The following C12orf50 variants were observed in gnomAD, a reference collection of about 807,000 sequenced individuals.
C12orf50 encodes uncharacterized protein C12orf50.
C12orf50 carries 35 observed loss-of-function variants against 61.6 expected under a neutral mutation model. The observed-to-expected ratio is 0.57, with a 90% CI of 0.43 to 0.75. The LOEUF (loss-of-function observed/expected upper bound fraction) is 0.75. Ranked by LOEUF, C12orf50 falls within the 30% of genes least tolerant of loss-of-function variation. The pLI, the probability that C12orf50 is intolerant of heterozygous loss-of-function variation, is 0.00. For missense variants in C12orf50, 475 were observed against 488.5 expected, an observed-to-expected ratio of 0.97 and a Z score of 0.26; for synonymous variants, 178 against 161.5, an observed-to-expected ratio of 1.10 and a Z score of -0.77.
intron 12 of C12orf50, among the ~76,000 whole-genome samples, chr12:87,982,824 C>T (rs772126611): frequency 2.0e-5 from 3 of 149,276 alleles, no homozygotes; most frequent in Admixed American, 6.7e-5. Flanking sequence ...TGCATCTTAA[C>T]GTATTACATG....
At chr12:88,029,831 T>C (rs1005096101), upstream of C12orf50, among the ~76,000 whole-genome samples, 1 of 152,198 alleles carries the variant, frequency 6.6e-6, no homozygotes, top group East Asian at 1.9e-4. Flanking sequence ...TTGTGATATA[T>C]TAATAGGTAC....
intron 3 of C12orf50, 81 bp from the exon 4 acceptor site, chr12:87,998,271 T>C: frequency 9.7e-7 from 1 of 1,026,636 alleles, no homozygotes; most frequent in Non-Finnish European, 1.4e-6. Flanking sequence ...ATTGCCCTCC[T>C]AATTAACTAT....
intron 3 of C12orf50, among the ~76,000 whole-genome samples, chr12:88,014,908 A>C (rs965340244): frequency 6.6e-6 from 1 of 152,260 alleles, no homozygotes; most frequent in African/African-American, 2.4e-5. Flanking sequence ...CTGCAAGTTT[A>C]TAAGTCCTAA....
chr12:88,026,104 C>T (rs568276489), intron 3 of C12orf50, among the ~76,000 whole-genome samples: 2 of 152,170 alleles, frequency 1.3e-5, no homozygotes, highest in Admixed American at 6.5e-5. Flanking sequence ...TCTCCACCTA[C>T]GAGATAGCTT....
At chr12:88,005,603 CA>C (rs2031828562) in intron 3 of C12orf50, among the ~76,000 whole-genome samples, 1 of 152,158 alleles carries the variant, frequency 6.6e-6, no homozygotes, top group Non-Finnish European at 1.5e-5. Flanking sequence ...GTTCCAATCC[CA>C]AAAGAACTCT....
chr12:88,027,785 C>T (rs1219020342), intron 1 of C12orf50: 1 of 152,038 alleles, frequency 6.6e-6, no homozygotes, highest in African/African-American at 2.4e-5. Flanking sequence ...ACTACAAGCC[C>T]CTGTTGTGTG....
Position 87,980,206 on chromosome 12 carries a change from C to A in C12orf50, c.*125G>T. On this transcript the variant is annotated 3_prime_UTR_variant, in exon 13 of 13. Coordinates refer to ENST00000298699, the MANE Select transcript of C12orf50 (RefSeq NM_152589.3). Reference sequence around the variant, plus strand: ...TTTTCAGAATTTGCATTTTTATCATCTTTGGCTATCCACTACATAACATGG... The same window carrying A: ...TTTTCAGAATTTGCATTTTTATCATATTTGGCTATCCACTACATAACATGG... 2.1e-6 allele frequency: 2 copies of A among 934,692 alleles called. No individual in the cohort carries two copies. The highest frequency in any genetic ancestry group is 2.3e-5 in the Admixed American group (1 of 43,690). The allele number at this position is 934,692 out of a possible 1,614,324, so 57.9% of individuals were successfully genotyped here. A position where few individuals can be genotyped will look rare whatever the true frequency, so the allele number is the denominator to read the frequency against.
chr12:88,016,575 A>G (rs931502958), intron 3 of C12orf50, among the ~76,000 whole-genome samples: 14 of 152,328 alleles, frequency 9.2e-5, no homozygotes, highest in Middle Eastern at 3.4e-3. Context: ...ACAGTCTGGA[A>G]ATTGAATCCT....
At chr12:88,005,912 GTTTTTTTTT>G (rs371924944) in intron 3 of C12orf50, among the ~76,000 whole-genome samples, 1 of 91,032 alleles carries the variant, frequency 1.1e-5, no homozygotes, top group Non-Finnish European at 2.2e-5. Flanking sequence ...TGTTTTTTTG[GTTTTTTTTT>G]TTTTTTTTTT....
chr12:87,996,315 G>T (rs967760633), intron 6 of C12orf50, 59 bp downstream of exon 6: 29 of 1,134,198 alleles, frequency 2.6e-5, no homozygotes, highest in Non-Finnish European at 3.7e-5. Context: ...AAATAATTCA[G>T]TCTATCACAC....
chr12:88,028,248 T>A (rs1283714334), intron 1 of C12orf50, among the ~76,000 whole-genome samples: 1 of 152,198 alleles, frequency 6.6e-6, no homozygotes, highest in African/African-American at 2.4e-5. Flanking sequence ...ATGAAATCTG[T>A]TATTATTCTT....
chr12:88,012,462 T>A (rs377280754), intron 3 of C12orf50, among the ~76,000 whole-genome samples: 10 of 152,206 alleles, frequency 6.6e-5, no homozygotes, highest in African/African-American at 2.2e-4. Context: ...GCACTGTTCT[T>A]CTCTTGTCCT....
intron 1 of C12orf50, among the ~76,000 whole-genome samples, chr12:88,027,280 T>C (rs1399145051): frequency 6.6e-6 from 1 of 152,224 alleles, no homozygotes; most frequent in East Asian, 1.9e-4. Context: ...GGTTACATAG[T>C]ACAACATGCC....
At chr12:88,000,676 A>T (rs1225439884) in intron 3 of C12orf50, among the ~76,000 whole-genome samples, 1 of 151,896 alleles carries the variant, frequency 6.6e-6, no homozygotes, top group African/African-American at 2.4e-5. Flanking sequence ...GAACAAGGAT[A>T]TCTCTGTTTT....
At position 88,026,706 on chromosome 12, in the gene C12orf50, A is replaced by G. The variant is rs967572066; in HGVS notation, c.13-98T>C. On this transcript the variant is annotated intron_variant, in intron 2 of 12. Transcript: ENST00000298699. ...ACAGCACAAGGACACAAAAACAATT[A>G]TAGTTAACTGATTTAGGATCATGTG... 5 of 1,459,752 alleles carry G rather than the reference A, an allele frequency of 3.4e-6. No homozygotes were observed. The African/African-American group carries it at 4.2e-5, about 12-fold the overall frequency. 90.4% of individuals were successfully genotyped at this position (1,459,752 alleles called of 1,614,324 possible).
At chr12:87,990,028 G>A (rs77825179) in intron 7 of C12orf50, among the ~76,000 whole-genome samples, 3,315 of 151,962 alleles carry the variant, frequency 0.022, 117 homozygotes, top group African/African-American at 0.075. Context: ...CTTTACCATC[G>A]CTATTTGGTA....
At chr12:87,982,868 A>T (rs2030577749) in intron 12 of C12orf50, among the ~76,000 whole-genome samples, 1 of 152,168 alleles carries the variant, frequency 6.6e-6, no homozygotes, top group Non-Finnish European at 1.5e-5. Flanking sequence ...TCCAGGAAAG[A>T]ACTGTATAAA....
intron 11 of C12orf50, chr12:87,983,623 G>A (rs1408877354): frequency 2.6e-5 from 4 of 151,450 alleles, no homozygotes; most frequent in Non-Finnish European, 5.9e-5. Context: ...TCCCATCTAT[G>A]AGTGAGAACA....
At chr12:88,000,418 A>G (rs77734947) in intron 3 of C12orf50, among the ~76,000 whole-genome samples, 3,525 of 152,118 alleles carry the variant, frequency 0.023, 142 homozygotes, top group African/African-American at 0.079. Flanking sequence ...GCTAGTCCAT[A>G]TAGTCTTGAT....
Sources: gnomAD v4.1 joint callset for allele counts (sites outside exome capture counted in the v4.1 genomes callset) on GRCh38, gnomAD v4.1.1 for gene constraint, MANE v1.5 for transcripts, NCBI Gene and HGNC (gene_info 2026-07-23, HGNC 2026-07-21) for gene names.